CELF5: variants seen among roughly 807,000 people sequenced by gnomAD.
The protein encoded by CELF5 is CUGBP Elav-like family member 5.
Under a neutral mutation model 54.9 loss-of-function variants are expected in CELF5, and 6 were observed. That is an observed-to-expected ratio of 0.11 (90% confidence interval 0.06 to 0.22). CELF5 has a LOEUF of 0.22. Ranked by LOEUF, CELF5 falls within the 10% of genes least tolerant of loss-of-function variation. The pLI, the probability that CELF5 is intolerant of heterozygous loss-of-function variation, is 1.00. For missense variants in CELF5, 401 were observed against 678.6 expected (o/e 0.59, Z 4.54); for synonymous variants, 271 against 290.9 (o/e 0.93, Z 0.70).
Position 3,290,426 on chromosome 19 carries a change from C to T in CELF5, c.1330+52C>T, listed in dbSNP as rs1241806478. ...CCCATCCACCTCCCTCGCCTGCCCC[C>T]TGACAGGGAATGGGAGGGTTTTGGT... is the stretch of plus-strand genomic sequence containing the variant. On this transcript the variant is annotated intron_variant, in intron 11 of 12. Transcript: ENST00000292672. 5 of 1,602,064 alleles carry T rather than the reference C, an allele frequency of 3.1e-6. No homozygotes were observed. The African/African-American group carries it at 6.7e-5, about 21-fold the overall frequency.
At position 3,241,889 on chromosome 19, in the gene CELF5, C is replaced by G. The variant is rs535414788; in HGVS notation, c.260-9096C>G. 7.2e-4 allele frequency among the ~76,000 whole-genome samples: 109 copies of G among 152,322 alleles called. 1 individual carries two copies. The highest frequency in any genetic ancestry group is 2.5e-3 in the African/African-American group (105 of 41,574). ...TCCCGGGTTCGAGCAATTCTCCTGCCTCAACCTCCCGTGTAGCTGGGACCA... is the reference window on the plus strand; with the variant it reads ...TCCCGGGTTCGAGCAATTCTCCTGCGTCAACCTCCCGTGTAGCTGGGACCA... On this transcript the variant is annotated intron_variant, in intron 1 of 12. Transcript: ENST00000292672.
At chr19:3,293,509 C>T in intron 12 of CELF5, 23 bp downstream of exon 12, 1 of 1,582,372 alleles carries the variant, frequency 6.3e-7, no homozygotes. Flanking sequence ...GCGGCCCCAC[C>T]CCCGCCCAAG....
intron 1 of CELF5, among the ~76,000 whole-genome samples, chr19:3,240,388 T>A (rs1019689638): frequency 1.3e-5 from 2 of 151,534 alleles, no homozygotes; most frequent in Non-Finnish European, 2.9e-5. Context: ...TGCAGTGGCA[T>A]AATCTCAACT....
chr19:3,265,096 G>T (rs1454742505), intron 2 of CELF5, among the ~76,000 whole-genome samples: 1 of 152,160 alleles, frequency 6.6e-6, no homozygotes, highest in Non-Finnish European at 1.5e-5. Context: ...CGGTGCTTTG[G>T]GAGGCCAAGA....
At chr19:3,269,401 C>T (rs1342620986) in intron 2 of CELF5, among the ~76,000 whole-genome samples, 1 of 152,136 alleles carries the variant, frequency 6.6e-6, no homozygotes, top group Non-Finnish European at 1.5e-5. Flanking sequence ...TGATCTCAAA[C>T]TCCTGACCTC....
chr19:3,264,242 G>GA (rs939813619), intron 2 of CELF5, among the ~76,000 whole-genome samples: 3 of 147,586 alleles, frequency 2.0e-5, no homozygotes, highest in Admixed American at 6.8e-5. Context: ...CACCCCATCT[G>GA]AAAAAAAACA....
chr19:3,228,928 G>C lies in CELF5; in HGVS notation c.259+3930G>C, dbSNP rs556780807. 1.3e-5 allele frequency among the ~76,000 whole-genome samples: 2 copies of C among 151,770 alleles called. No individual in the cohort carries two copies. Among genetic ancestry groups the C allele is most frequent in the East Asian group, 3.9e-4 (2 of 5,148 alleles). ...TGTGTGTGTGTGTACGCGGGCGCGC[G>C]CCTGGGAAGGACTCCTGCCGGGGTG... On this transcript the variant is annotated intron_variant, in intron 1 of 12. Coordinates refer to ENST00000292672, the MANE Select transcript of CELF5 (RefSeq NM_021938.4). The surrounding 1 kb of genome is among the most constrained non-coding windows in gnomAD (Gnocchi z 6.0).
chr19:3,249,156 T>C (rs2079613096), intron 1 of CELF5, among the ~76,000 whole-genome samples: 1 of 151,762 alleles, frequency 6.6e-6, no homozygotes, highest in Admixed American at 6.6e-5. Context: ...AGCGTGTCCC[T>C]GGGAGACCAG....
intron 1 of CELF5, among the ~76,000 whole-genome samples, chr19:3,250,607 C>T (rs2079634892): frequency 6.6e-6 from 1 of 152,194 alleles, no homozygotes; most frequent in Non-Finnish European, 1.5e-5. Context: ...AACTGAAACT[C>T]TGTCCCCATG....
chr19:3,241,065 CTTT>C (rs529201613), intron 1 of CELF5, among the ~76,000 whole-genome samples: 5 of 139,448 alleles, frequency 3.6e-5, no homozygotes, highest in Admixed American at 1.4e-4. Context: ...AAGATCAGTT[CTTT>C]TTTTTTTTTT....
At chr19:3,291,076 C>A (rs1328562733) in intron 11 of CELF5, among the ~76,000 whole-genome samples, 1 of 150,970 alleles carries the variant, frequency 6.6e-6, no homozygotes, top group Non-Finnish European at 1.5e-5. Flanking sequence ...GCCTGGGCAA[C>A]ATAGCAAGAC....
intron 2 of CELF5, among the ~76,000 whole-genome samples, chr19:3,263,731 C>A (rs968484938): frequency 1.4e-4 from 21 of 152,074 alleles, no homozygotes; most frequent in Non-Finnish European, 2.1e-4. Context: ...ATAGTGAAAC[C>A]CCGTCTCTAC....
intron 2 of CELF5, among the ~76,000 whole-genome samples, chr19:3,254,806 C>A (rs2079698898): frequency 6.6e-6 from 1 of 151,562 alleles, no homozygotes; most frequent in African/African-American, 2.4e-5. Context: ...ATCCATCCAT[C>A]CATCCACCCA....
chr19:3,284,991 T>TGGGCCCTGGCCCCGCCCC lies in CELF5; in HGVS notation c.1102+28_1102+45dup, dbSNP rs1555726675. On this transcript the variant is annotated intron_variant, in intron 9 of 12. Coordinates refer to ENST00000292672, the MANE Select transcript of CELF5 (RefSeq NM_021938.4). The stretch of plus-strand genomic sequence containing the variant: ...TAGGAGGCAGCCCGCGTGCCCGCGC[T>TGGGCCCTGGCCCCGCCCC]GGGCCCTGGCCCCGCCCCCGCCTAG... 2.1e-5 allele frequency: 32 copies of TGGGCCCTGGCCCCGCCCC among 1,513,904 alleles called. No individual in the cohort carries two copies. The African/African-American group carries it at 3.8e-4, about 18-fold the overall frequency. 93.8% of individuals were successfully genotyped at this position (1,513,904 alleles called of 1,614,324 possible).
intron 2 of CELF5, among the ~76,000 whole-genome samples, chr19:3,253,144 A>G (rs1381443017): frequency 6.6e-6 from 1 of 152,020 alleles, no homozygotes; most frequent in Non-Finnish European, 1.5e-5. Context: ...CGAACAAAAA[A>G]TCAAACCAAC....
intron 1 of CELF5, among the ~76,000 whole-genome samples, chr19:3,232,873 G>A (rs1193198178): frequency 4.6e-5 from 7 of 151,968 alleles, no homozygotes; most frequent in Non-Finnish European, 8.8e-5. Flanking sequence ...TCGGGAGTTC[G>A]AGACCAGCCT....
chr19:3,272,098 G>A (rs561385770), intron 2 of CELF5, among the ~76,000 whole-genome samples: 1 of 152,128 alleles, frequency 6.6e-6, no homozygotes, highest in Non-Finnish European at 1.5e-5. Context: ...CCGGGTGCAG[G>A]GGCTCACGCC....
At position 3,278,335 on chromosome 19, in the gene CELF5, T is replaced by A. The variant is rs1261038016; in HGVS notation, c.603+225T>A. Among the ~76,000 whole-genome samples the A allele has an allele frequency of 6.6e-6, 1 of 151,762 alleles. No homozygotes were observed. Among genetic ancestry groups the A allele is most frequent in the Non-Finnish European group, 1.5e-5 (1 of 67,944 alleles). ...TGTGGAGGTGAGTAGGCAAGCGAAGTGTATGTGTGTGCATGGATGTATTAC... is the reference window on the plus strand; with the variant it reads ...TGTGGAGGTGAGTAGGCAAGCGAAGAGTATGTGTGTGCATGGATGTATTAC... On this transcript the variant is annotated intron_variant, in intron 5 of 12. Transcript: ENST00000292672. This position sits in a 1 kb window ranked among gnomAD's most constrained non-coding sequence, Gnocchi z 4.5.
chr19:3,295,527 AC>A (rs552013772), intron 12 of CELF5: 17,619 of 149,746 alleles, frequency 0.12, 1,212 homozygotes, highest in Middle Eastern at 0.21. Context: ...CGCAACACAT[AC>A]CAGGTGCCCC....
Sources: gnomAD v4.1 joint callset for allele counts (sites outside exome capture counted in the v4.1 genomes callset) on GRCh38, gnomAD v4.1.1 for gene constraint, Gnocchi (gnomAD v3.1) non-coding constraint, MANE v1.5 for transcripts, NCBI Gene and HGNC (gene_info 2026-07-23, HGNC 2026-07-21) for gene names.